Variants in RANBP2 observed in about 807,000 individuals in gnomAD.
The protein encoded by RANBP2 is E3 SUMO-protein ligase RanBP2.
In RANBP2, 57 loss-of-function variants were observed where a neutral mutation model predicts 303.6. The observed-to-expected ratio is 0.19, with a 90% CI of 0.15 to 0.23. RANBP2 has a LOEUF of 0.23. Ranked by LOEUF, RANBP2 falls within the 10% of genes least tolerant of loss-of-function variation. The pLI is 1.00. For synonymous variants in RANBP2, 1,167 were observed against 1,301.5 expected, an observed-to-expected ratio of 0.90 and a Z score of 2.23; for missense variants, 3,138 against 3,780.8, an observed-to-expected ratio of 0.83 and a Z score of 4.46.
chr2:109,438,173 T>C, the RANBP2 span, among the ~76,000 whole-genome samples: 1 of 152,192 alleles, frequency 6.6e-6, no homozygotes, highest in African/African-American at 2.4e-5. Flanking sequence ...AGAGGCCATA[T>C]TTCCTTCCTT....
chr2:108,953,841 T>C, the RANBP2 span, among the ~76,000 whole-genome samples: 7 of 152,140 alleles, frequency 4.6e-5, no homozygotes, highest in Non-Finnish European at 7.4e-5. Flanking sequence ...TTTAACACCA[T>C]TTGTGTGCCC....
chr2:109,494,905 G>T, the RANBP2 span, among the ~76,000 whole-genome samples: 296 of 152,284 alleles, frequency 1.9e-3, 4 homozygotes, highest in East Asian at 0.044. Context: ...TCAAGTAGAA[G>T]GTGCTGCAGA....
chr2:109,294,013 G>A, the RANBP2 span, among the ~76,000 whole-genome samples: 1 of 152,196 alleles, frequency 6.6e-6, no homozygotes, highest in African/African-American at 2.4e-5. Context: ...GCAGCTGGTT[G>A]TGTCACATCC....
At chr2:109,252,704 T>A in the RANBP2 span, among the ~76,000 whole-genome samples, 1 of 152,228 alleles carries the variant, frequency 6.6e-6, no homozygotes, top group African/African-American at 2.4e-5. Flanking sequence ...TTAAATGTAC[T>A]CAGAACAATA....
the RANBP2 span, among the ~76,000 whole-genome samples, chr2:109,366,748 G>A: frequency 2.6e-5 from 4 of 152,212 alleles, no homozygotes; most frequent in Non-Finnish European, 5.9e-5. Flanking sequence ...AGCTACTCAG[G>A]AGGCTGAGGA....
At chr2:109,017,718 C>G in the RANBP2 span, among the ~76,000 whole-genome samples, 1 of 152,068 alleles carries the variant, frequency 6.6e-6, no homozygotes, top group Non-Finnish European at 1.5e-5. Flanking sequence ...TGTTGTATCA[C>G]CTGTGAGGAT....
At chr2:109,542,717 T>C in the RANBP2 span, among the ~76,000 whole-genome samples, 1 of 152,224 alleles carries the variant, frequency 6.6e-6, no homozygotes, top group Non-Finnish European at 1.5e-5. Context: ...ACATGTATAA[T>C]TTAATTTACT....
the RANBP2 span, among the ~76,000 whole-genome samples, chr2:109,170,632 G>A: frequency 2.0e-5 from 3 of 152,248 alleles, no homozygotes; most frequent in Non-Finnish European, 2.9e-5. Context: ...TTACAGGTGC[G>A]AGCCACTGTG....
chr2:109,581,293 C>T, the RANBP2 span, among the ~76,000 whole-genome samples: 1 of 151,946 alleles, frequency 6.6e-6, no homozygotes, highest in Non-Finnish European at 1.5e-5. Context: ...AAAAATTAGC[C>T]GGGTGTCATA....
chr2:108,916,955 ACAGGCCACC>A, the RANBP2 span, among the ~76,000 whole-genome samples: 2 of 152,174 alleles, frequency 1.3e-5, no homozygotes, highest in East Asian at 1.9e-4. Context: ...AGACTTGCCC[ACAGGCCACC>A]CAGGCCACCA....
the RANBP2 span, among the ~76,000 whole-genome samples, chr2:109,139,868 G>A: frequency 6.6e-6 from 1 of 152,218 alleles, no homozygotes; most frequent in Non-Finnish European, 1.5e-5. Context: ...ATCTGGAGTC[G>A]TGTGGACAGG....
At chr2:108,772,611 G>A in intron 22 of RANBP2, 30 bp downstream of exon 22, 3 of 1,573,304 alleles carry the variant, frequency 1.9e-6, no homozygotes, top group Non-Finnish European at 2.6e-6. Flanking sequence ...CATTTATAAT[G>A]CTTTTAACAA....
the RANBP2 span, chr2:109,667,393 T>C: frequency 4.5e-6 from 2 of 442,510 alleles, no homozygotes; most frequent in East Asian, 4.8e-5. Context: ...CAGGAGGGGA[T>C]GAGACCAGAG....
chr2:109,400,723 C>T, the RANBP2 span, among the ~76,000 whole-genome samples: 21 of 152,334 alleles, frequency 1.4e-4, no homozygotes, highest in African/African-American at 3.6e-4. Flanking sequence ...CACACACAAA[C>T]GCTGGCTCTC....
intron 24 of RANBP2, 67 bp downstream of exon 24, chr2:108,776,003 T>C (rs1281618902): frequency 9.3e-6 from 13 of 1,404,934 alleles, no homozygotes; most frequent in East Asian, 2.4e-5. Context: ...AGATAGACTT[T>C]TAAAGGCTGA....
downstream of RANBP2, chr2:108,788,034 T>C (rs1442208721): frequency 6.4e-7 from 1 of 1,554,902 alleles, no homozygotes; most frequent in Non-Finnish European, 8.7e-7. Context: ...TTTTTTAGTA[T>C]GATTTTTCAA....
chr2:109,676,353 A>G, the RANBP2 span, among the ~76,000 whole-genome samples: 1 of 152,186 alleles, frequency 6.6e-6, no homozygotes, highest in Non-Finnish European at 1.5e-5. Flanking sequence ...AGGCCCTCCA[A>G]CTCAGTAAGT....
In RANBP2 at chr2:108,766,950, G is replaced by A; in HGVS notation, c.6411G>A (p.Gln2137=). ...CAGAGCTGGCTGAAGAATTCAAGCA[G>A]AAATTTGAGGAATGCCAGCGGCTTC... ...KTPELAEEFK[Q]KFEECQRLLL... The change falls in exon 20 of 29, where the codon CAG becomes CAA. Residue 2137 remains glutamine (Q), a synonymous_variant. Coordinates refer to ENST00000283195, the MANE Select transcript of RANBP2 (RefSeq NM_006267.5). The A allele has an allele frequency of 6.2e-7, 1 of 1,609,252 alleles. No individual in the cohort carries two copies. Among genetic ancestry groups the A allele is most frequent in the African/African-American group, 1.3e-5 (1 of 74,964 alleles).
At chr2:108,762,831 ACAT>A (rs1197650661) in intron 19 of RANBP2, among the ~76,000 whole-genome samples, 1 of 139,952 alleles carries the variant, frequency 7.1e-6, no homozygotes, top group Non-Finnish European at 1.6e-5. Flanking sequence ...ATCATCATTA[ACAT>A]CATTTGATAA....
Sources: allele counts gnomAD v4.1 joint callset (sites outside exome capture counted in the v4.1 genomes callset), GRCh38; gene constraint gnomAD v4.1.1; transcripts MANE v1.5; gene names NCBI Gene and HGNC (gene_info 2026-07-23, HGNC 2026-07-21).